TXNDC12: variants seen among roughly 807,000 people sequenced by gnomAD.
TXNDC12 encodes thioredoxin domain containing 12, also known as thioredoxin domain-containing protein 12.
A neutral mutation model predicts 24.2 loss-of-function variants in TXNDC12; 22 were observed. The ratio of observed to expected loss-of-function variants is 0.91; its 90% CI spans 0.65 to 1.30. The LOEUF is 1.30. Ranked by LOEUF, TXNDC12 falls within the 50% of genes most tolerant of loss-of-function variation. TXNDC12 has a pLI of 0.00. For missense variants in TXNDC12, 184 were observed against 205.8 expected, an observed-to-expected ratio of 0.89 and a Z score of 0.65; for synonymous variants, 58 against 73.4, an observed-to-expected ratio of 0.79 and a Z score of 1.07.
intron 2 of TXNDC12, among the ~76,000 whole-genome samples, chr1:52,031,031 A>G (rs1379958366): frequency 1.3e-5 from 2 of 152,200 alleles, no homozygotes; most frequent in Non-Finnish European, 2.9e-5. Flanking sequence ...GTGATGGTTC[A>G]AATGTTAACT....
intron 2 of TXNDC12, among the ~76,000 whole-genome samples, chr1:52,031,160 C>CTTT (rs10712931): frequency 1.2e-4 from 16 of 138,680 alleles, no homozygotes; most frequent in Non-Finnish European, 2.5e-4. Context: ...TTCATCCTAT[C>CTTT]TTTTTTTTTT....
chr1:52,051,199 A>G (rs1686193845), intron 1 of TXNDC12, among the ~76,000 whole-genome samples: 1 of 152,274 alleles, frequency 6.6e-6, no homozygotes, highest in Middle Eastern at 3.4e-3. Flanking sequence ...TGGGTGATGT[A>G]CTCCAAATTT....
At chr1:52,039,015 G>A (rs1685937716) in intron 2 of TXNDC12, among the ~76,000 whole-genome samples, 1 of 142,068 alleles carries the variant, frequency 7.0e-6, no homozygotes, top group African/African-American at 2.6e-5. Context: ...TCAATCTACT[G>A]GGCTCAATCA....
At position 52,039,693 on chromosome 1, in the gene TXNDC12, A is replaced by T. The variant is rs184665876; in HGVS notation, c.158+1844T>A. ...AGAGACGTACTGCTCACTGAAGATG[A>T]TTAATGTTGCACGGCATTTTAAGTG... On this transcript the variant is annotated intron_variant, in intron 2 of 6. Coordinates refer to ENST00000371626, the MANE Select transcript of TXNDC12 (RefSeq NM_015913.4). 1.8e-3 allele frequency among the ~76,000 whole-genome samples: 276 copies of T among 152,330 alleles called. 1 individual carries two copies. Among genetic ancestry groups the T allele is most frequent in the African/African-American group, 6.5e-3 (269 of 41,578 alleles).
chr1:52,030,479 C>T (rs1685734512), intron 2 of TXNDC12: 1 of 152,150 alleles, frequency 6.6e-6, no homozygotes, highest in Non-Finnish European at 1.5e-5. Context: ...CAATCAATAA[C>T]CAACTTAATG....
chr1:52,038,061 G>A (rs1340993964), intron 2 of TXNDC12, among the ~76,000 whole-genome samples: 2 of 152,016 alleles, frequency 1.3e-5, no homozygotes, highest in Non-Finnish European at 2.9e-5. Context: ...CTGAGTAGCA[G>A]GAACAACAGG....
intron 6 of TXNDC12, among the ~76,000 whole-genome samples, chr1:52,022,635 G>GTTTTTTTT (rs1188645759): frequency 5.9e-5 from 7 of 118,590 alleles, no homozygotes; most frequent in African/African-American, 9.6e-5. Context: ...GGTTTTTTTG[G>GTTTTTTTT]TTTTTTTTTT....
chr1:52,032,599 C>T (rs1685783624), intron 2 of TXNDC12: 1 of 1,495,156 alleles, frequency 6.7e-7, no homozygotes, highest in South Asian at 1.4e-5. Context: ...TAGTACAGTA[C>T]TGCATCGATA....
chr1:52,032,257 A>C (rs752771046), intron 2 of TXNDC12: 9 of 989,624 alleles, frequency 9.1e-6, no homozygotes, highest in Non-Finnish European at 1.1e-5. Flanking sequence ...ACAGTACTCA[A>C]AAAATACTTT....
intron 3 of TXNDC12, among the ~76,000 whole-genome samples, chr1:52,028,032 T>C (rs1443496807): frequency 1.3e-5 from 2 of 152,004 alleles, no homozygotes; most frequent in Non-Finnish European, 2.9e-5. Context: ...TTCACTATGT[T>C]GGGCAGGCTG....
rs566435519 is a variant in TXNDC12 at position 52,024,294 on chromosome 1, A to T, written c.355+216T>A. ...GGCATGAGCCACTGTGCCCGGCCAA[A>T]CTTTTGTCATTGCTTACAAAAGCAG... On this transcript the variant is annotated intron_variant, in intron 5 of 6. Coordinates refer to ENST00000371626, the MANE Select transcript of TXNDC12 (RefSeq NM_015913.4). Among the ~76,000 whole-genome samples, 107 of 152,228 alleles carry T rather than the reference A, an allele frequency of 7.0e-4. 1 individual carries two copies. The highest frequency in any genetic ancestry group is 1.2e-3 in the Non-Finnish European group (82 of 68,008).
At chr1:52,033,698 G>A (rs762978393) in intron 2 of TXNDC12, 1 of 1,611,134 alleles carries the variant, frequency 6.2e-7, no homozygotes, top group Non-Finnish European at 8.5e-7. Context: ...AGCGCCACGC[G>A]CAACTCTTCA....
At chr1:52,023,606 A>G in intron 5 of TXNDC12, 32 bp from the exon 6 acceptor site, 1 of 1,550,934 alleles carries the variant, frequency 6.4e-7, no homozygotes, top group Non-Finnish European at 8.9e-7. Flanking sequence ...AGAGTTTTGC[A>G]GTAATTACAA....
At position 52,025,271 on chromosome 1, in the gene TXNDC12, T is replaced by C. The variant is rs189060714; in HGVS notation, c.286-692A>G. Among the ~76,000 whole-genome samples the C allele has an allele frequency of 1.3e-3, 203 of 151,608 alleles. No individual in the cohort carries two copies. The Middle Eastern group carries it at 0.014, about 10-fold the overall frequency. On this transcript the variant is annotated intron_variant, in intron 4 of 6. Coordinates refer to ENST00000371626, the MANE Select transcript of TXNDC12 (RefSeq NM_015913.4). The stretch of plus-strand genomic sequence containing the variant: ...TCTCGCTCTGTCGCCCAGGCTGGAG[T>C]GCAGTTGTGCGATCTCGGCCCACTG...
intron 1 of TXNDC12, among the ~76,000 whole-genome samples, chr1:52,053,981 A>T (rs1465414089): frequency 6.6e-6 from 1 of 152,194 alleles, no homozygotes; most frequent in Non-Finnish European, 1.5e-5. Context: ...TATAAGCTCC[A>T]CCAGAGTAGG....
chr1:52,023,379 G>T, intron 6 of TXNDC12, 112 bp downstream of exon 6: 1 of 803,080 alleles, frequency 1.2e-6, no homozygotes, highest in Non-Finnish European at 2.1e-6. Flanking sequence ...CTATAGACAT[G>T]CAGGAGATGC....
intron 1 of TXNDC12, among the ~76,000 whole-genome samples, chr1:52,046,005 G>C (rs1686083049): frequency 6.6e-6 from 1 of 152,060 alleles, no homozygotes; most frequent in South Asian, 2.1e-4. Context: ...TTGAGCCCAG[G>C]AGTTTGAGAC....
intron 1 of TXNDC12, chr1:52,052,522 C>T (rs879943479): frequency 5.9e-6 from 1 of 169,696 alleles, no homozygotes; most frequent in Non-Finnish European, 1.5e-5. Context: ...CATAAAGCTA[C>T]TGTGAGGAAA....
At chr1:52,029,588 A>G (rs183466865) in intron 2 of TXNDC12, among the ~76,000 whole-genome samples, 4 of 152,328 alleles carry the variant, frequency 2.6e-5, no homozygotes, top group Admixed American at 2.6e-4. Flanking sequence ...TGCACTTAAC[A>G]TATTGATCTG....
Sources: allele counts gnomAD v4.1 joint callset (sites outside exome capture counted in the v4.1 genomes callset), GRCh38; gene constraint gnomAD v4.1.1; transcripts MANE v1.5; gene names NCBI Gene and HGNC (gene_info 2026-07-23, HGNC 2026-07-21).